The following FCHO2 variants were observed in gnomAD, a reference collection of about 807,000 sequenced individuals.
FCHO2 encodes the protein FCH and mu domain containing endocytic adaptor 2.
In FCHO2, 43 loss-of-function variants were observed where a neutral mutation model predicts 114.1. That is an observed-to-expected ratio of 0.38 (90% CI 0.30 to 0.49). The LOEUF (loss-of-function observed/expected upper bound fraction) is 0.49. FCHO2 is among the 20% of genes least tolerant of loss of function. The probability of loss-of-function intolerance (pLI) is 0.97; values close to 1 mark genes in which losing one functional copy is unlikely to be tolerated. For synonymous variants in FCHO2, 293 were observed against 315.2 expected, an observed-to-expected ratio of 0.93 and a Z score of 0.75; for missense variants, 807 against 950.4, an observed-to-expected ratio of 0.85 and a Z score of 1.98.
intron 16 of FCHO2, among the ~76,000 whole-genome samples, chr5:73,057,050 C>T (rs1757629899): frequency 6.6e-6 from 1 of 151,944 alleles, no homozygotes; most frequent in Non-Finnish European, 1.5e-5. Flanking sequence ...GCCTCAACGT[C>T]CCAGGCTCAA....
chr5:73,000,953 G>A (rs1326343249), intron 5 of FCHO2, among the ~76,000 whole-genome samples: 1 of 148,518 alleles, frequency 6.7e-6, no homozygotes, highest in Non-Finnish European at 1.5e-5. Context: ...ACTTTTTTAT[G>A]ATGAGGCCAT....
chr5:73,055,179 A>G, intron 15 of FCHO2: 1 of 246,080 alleles, frequency 4.1e-6, no homozygotes, highest in Non-Finnish European at 8.6e-6. Context: ...TTTATCTTTA[A>G]AGAAATGTTG....
chr5:72,991,341 G>C lies in FCHO2; in HGVS notation c.495+477G>C, dbSNP rs61641325. Among the ~76,000 whole-genome samples the C allele has an allele frequency of 1.6e-3, 240 of 152,296 alleles. 5 individuals carry two copies. In the East Asian group the frequency reaches 0.042, roughly 27 times the overall value. ...GGCCTCCCCAAGTGCTGGGATTACA[G>C]GCATGAGCCACTACACCCAACCAAA... is the stretch of plus-strand genomic sequence containing the variant. On this transcript the variant is annotated intron_variant, in intron 5 of 25. Transcript: ENST00000430046.
intron 19 of FCHO2, among the ~76,000 whole-genome samples, chr5:73,072,490 A>C (rs543386150): frequency 6.6e-6 from 1 of 152,236 alleles, no homozygotes; most frequent in Admixed American, 6.6e-5. Context: ...AGCAGCCAAA[A>C]GGTAGAAGCA....
intron 8 of FCHO2, among the ~76,000 whole-genome samples, chr5:73,032,477 TG>T (rs1756288274): frequency 6.6e-6 from 1 of 152,174 alleles, no homozygotes; most frequent in East Asian, 1.9e-4. Flanking sequence ...AAAAGAGTTT[TG>T]TGAGAACAAA....
chr5:73,011,031 T>G (rs1203187222), intron 6 of FCHO2, among the ~76,000 whole-genome samples: 1 of 152,156 alleles, frequency 6.6e-6, no homozygotes, highest in Non-Finnish European at 1.5e-5. Flanking sequence ...CTGTAGGCAG[T>G]TATAACAAAA....
rs1203320536 is a variant in FCHO2, at chr5:73,087,753, G to T, written c.2410G>T (p.Gly804Ter). The T allele has an allele frequency of 6.4e-7, 1 of 1,566,266 alleles. No individual in the cohort carries two copies. The highest frequency in any genetic ancestry group is 8.6e-7 in the Non-Finnish European group (1 of 1,160,362). ...CTTAATAAAGAAGCGGTTTGCTACT[G>T]GTAAGTTAGGAGATTTCAAACTTTT... ...LSLIKKRFAT[G>*]RYLADC The change falls in exon 25 of 26, where the codon GGA becomes TGA. Residue 804 changes from glycine to a stop codon, truncating the protein, a stop_gained and splice_region_variant. Coordinates refer to ENST00000430046, the MANE Select transcript of FCHO2 (RefSeq NM_138782.3). LOFTEE classifies it high-confidence loss of function.
chr5:73,068,635 CTT>C lies in FCHO2; in HGVS notation c.1450-11_1450-10del, dbSNP rs755449673. On this transcript the variant is annotated splice_polypyrimidine_tract_variant and intron_variant, in intron 18 of 25. Coordinates refer to ENST00000430046, the MANE Select transcript of FCHO2 (RefSeq NM_138782.3). ...ATTGTTTTAGCATTTTGATAAATAACTTTTTGTTTTTAAGCCCAGGCCATTCA... is the reference window on the plus strand; with the variant it reads ...ATTGTTTTAGCATTTTGATAAATAACTTTGTTTTTAAGCCCAGGCCATTCA... 35 of 1,605,806 alleles carry C rather than the reference CTT, an allele frequency of 2.2e-5. No individual in the cohort carries two copies. Among genetic ancestry groups the C allele is most frequent in the Middle Eastern group, 3.3e-4 (2 of 6,034 alleles).
chr5:72,979,529 C>T (rs1753076646), intron 2 of FCHO2, among the ~76,000 whole-genome samples: 1 of 149,676 alleles, frequency 6.7e-6, no homozygotes, highest in Non-Finnish European at 1.5e-5. Context: ...GTAGCTGGGA[C>T]TACAGGCGCC....
intron 18 of FCHO2, among the ~76,000 whole-genome samples, chr5:73,065,918 C>A (rs1017155695): frequency 6.6e-6 from 1 of 151,896 alleles, no homozygotes; most frequent in Non-Finnish European, 1.5e-5. Context: ...GTAGTCTTCA[C>A]TCTCTGTTAT....
intron 24 of FCHO2, among the ~76,000 whole-genome samples, 153 bp downstream of exon 24, chr5:73,082,978 A>G (rs1333679460): frequency 1.3e-5 from 2 of 151,694 alleles, no homozygotes; most frequent in Non-Finnish European, 2.9e-5. Context: ...GGTTCAAGCG[A>G]TTCTCCTGCC....
At chr5:73,071,227 T>G (rs752327562) in intron 19 of FCHO2, among the ~76,000 whole-genome samples, 4 of 151,936 alleles carry the variant, frequency 2.6e-5, no homozygotes, top group Non-Finnish European at 5.9e-5. Context: ...TTTCCTCAAC[T>G]CAGCTTTAAG....
Position 73,006,639 on chromosome 5 carries a change from G to A in FCHO2, c.600+90G>A, listed in dbSNP as rs1056838061. On this transcript the variant is annotated intron_variant, in intron 6 of 25. Transcript: ENST00000430046. Reference sequence around the variant, plus strand: ...TCTCTCATATAATTTTTTAGTGTTGGAAGTTTTAAAATGCACAATCTCAAT... The same window carrying A: ...TCTCTCATATAATTTTTTAGTGTTGAAAGTTTTAAAATGCACAATCTCAAT... 3 of 877,254 alleles carry A rather than the reference G, an allele frequency of 3.4e-6. No homozygotes were observed. The African/African-American group carries it at 5.3e-5, about 16-fold the overall frequency. 54.3% of individuals were successfully genotyped at this position (877,254 alleles called of 1,614,324 possible).
intron 17 of FCHO2, among the ~76,000 whole-genome samples, chr5:73,060,200 G>T (rs751098309): frequency 6.6e-6 from 1 of 151,774 alleles, no homozygotes; most frequent in Non-Finnish European, 1.5e-5. Context: ...ATTGATGTTT[G>T]GCCATTAGGA....
At chr5:73,067,374 C>T (rs1742402948) in intron 18 of FCHO2, among the ~76,000 whole-genome samples, 1 of 151,968 alleles carries the variant, frequency 6.6e-6, no homozygotes, top group Admixed American at 6.6e-5. Context: ...TGTCCTGCAC[C>T]ACCTTGGTCT....
At chr5:73,065,538 A>G (rs1434082204) in intron 18 of FCHO2, among the ~76,000 whole-genome samples, 2 of 152,088 alleles carry the variant, frequency 1.3e-5, no homozygotes, top group Non-Finnish European at 2.9e-5. Context: ...TAGTTGCCTC[A>G]TGGATAAAAT....
At chr5:73,079,525 T>C (rs1006794202) in intron 22 of FCHO2, among the ~76,000 whole-genome samples, 2 of 152,100 alleles carry the variant, frequency 1.3e-5, no homozygotes, top group Non-Finnish European at 2.9e-5. Flanking sequence ...AGAAAAAAAT[T>C]AAGGTGAATC....
At chr5:73,003,504 A>G (rs1030118825) in intron 5 of FCHO2, among the ~76,000 whole-genome samples, 6 of 152,118 alleles carry the variant, frequency 3.9e-5, no homozygotes, top group Non-Finnish European at 5.9e-5. Flanking sequence ...AAGTGTATGC[A>G]CAGTCATTAT....
intron 17 of FCHO2, among the ~76,000 whole-genome samples, chr5:73,060,959 A>T (rs1423155491): frequency 6.6e-6 from 1 of 151,388 alleles, no homozygotes; most frequent in Non-Finnish European, 1.5e-5. Flanking sequence ...TTAAGTGCCA[A>T]TGTAGATTAC....
Sources: gnomAD v4.1 joint callset for allele counts (sites outside exome capture counted in the v4.1 genomes callset) on GRCh38, gnomAD v4.1.1 for gene constraint, MANE v1.5 for transcripts, NCBI Gene and HGNC (gene_info 2026-07-23, HGNC 2026-07-21) for gene names.